The following NT5C2 variants were observed in gnomAD, a reference collection of about 807,000 sequenced individuals.
NT5C2 encodes cytosolic purine 5'-nucleotidase.
Under a neutral mutation model 76.1 loss-of-function variants are expected in NT5C2, and 58 were observed. That is an observed-to-expected ratio of 0.76 (90% CI 0.62 to 0.95). NT5C2 has a LOEUF of 0.95. Ranked by LOEUF, NT5C2 falls within the 40% of genes least tolerant of loss-of-function variation. The pLI is 0.00. For missense variants in NT5C2, 478 were observed against 690.3 expected (o/e 0.69, Z 3.45); for synonymous variants, 229 against 237.4 (o/e 0.96, Z 0.32).
At chr10:103,170,354 T>A (rs2087591392) in intron 3 of NT5C2, among the ~76,000 whole-genome samples, 1 of 151,964 alleles carries the variant, frequency 6.6e-6, no homozygotes, top group African/African-American at 2.4e-5. Context: ...ATCTAAAACA[T>A]CAAGCCTTTG....
chr10:103,090,274 G>A (rs1450957381), intron 18 of NT5C2: 2 of 347,826 alleles, frequency 5.8e-6, no homozygotes, highest in Admixed American at 4.3e-5. Flanking sequence ...CTGGAGTACA[G>A]TGGAGCAATC....
chr10:103,134,363 C>G (rs1052451983), intron 4 of NT5C2, among the ~76,000 whole-genome samples: 1 of 152,236 alleles, frequency 6.6e-6, no homozygotes, highest in Non-Finnish European at 1.5e-5. Context: ...CCAGCCACTC[C>G]TGCCATGGCT....
intron 2 of NT5C2, among the ~76,000 whole-genome samples, chr10:103,179,083 G>A (rs2090611123): frequency 1.3e-5 from 2 of 151,042 alleles, no homozygotes; most frequent in African/African-American, 2.4e-5. Flanking sequence ...TGAGTAACTG[G>A]GATTACAGGC....
chr10:103,132,606 C>T (rs192762915), intron 4 of NT5C2, among the ~76,000 whole-genome samples: 118 of 152,052 alleles, frequency 7.8e-4, no homozygotes, highest in African/African-American at 2.6e-3. Flanking sequence ...TGCACAGTGG[C>T]GCGATCTCGG....
At chr10:103,177,773 C>A (rs2135069500) in intron 2 of NT5C2, among the ~76,000 whole-genome samples, 1 of 152,288 alleles carries the variant, frequency 6.6e-6, no homozygotes, top group Admixed American at 6.5e-5. Flanking sequence ...ACCTCTGTGG[C>A]TTTTAAAAAA....
At chr10:103,122,999 T>C (rs2075975307) in intron 4 of NT5C2, among the ~76,000 whole-genome samples, 1 of 152,226 alleles carries the variant, frequency 6.6e-6, no homozygotes, top group African/African-American at 2.4e-5. Flanking sequence ...TAAATCTGTA[T>C]GCTTTTCTCT....
intron 3 of NT5C2, among the ~76,000 whole-genome samples, chr10:103,142,355 T>C (rs1480773779): frequency 6.6e-6 from 1 of 152,178 alleles, no homozygotes; most frequent in Non-Finnish European, 1.5e-5. Flanking sequence ...ATCAGCATGA[T>C]GGTCTTTCAG....
intron 3 of NT5C2, among the ~76,000 whole-genome samples, chr10:103,145,621 C>A (rs879268173): frequency 1.3e-5 from 2 of 152,130 alleles, no homozygotes; most frequent in African/African-American, 2.4e-5. Flanking sequence ...TAAAAAAGCA[C>A]AAACTTGCCG....
intron 3 of NT5C2, among the ~76,000 whole-genome samples, chr10:103,143,259 A>G (rs2080859977): frequency 6.6e-6 from 1 of 152,112 alleles, no homozygotes; most frequent in Non-Finnish European, 1.5e-5. Flanking sequence ...GTTAAAAATA[A>G]AAAAGCCTGG....
chr10:103,111,255 C>G (rs1469002908), intron 4 of NT5C2, among the ~76,000 whole-genome samples: 1 of 152,176 alleles, frequency 6.6e-6, no homozygotes. Flanking sequence ...AGAAGGTACT[C>G]TGGCCTACCC....
chr10:103,167,942 A>ACTGTGG (rs1212955231), intron 3 of NT5C2, among the ~76,000 whole-genome samples: 1 of 152,132 alleles, frequency 6.6e-6, no homozygotes, highest in Non-Finnish European at 1.5e-5. Flanking sequence ...TCCATCATAA[A>ACTGTGG]CATTTCTAGA....
At chr10:103,105,091 C>CT (rs2070871704) in intron 6 of NT5C2, among the ~76,000 whole-genome samples, 1 of 152,100 alleles carries the variant, frequency 6.6e-6, no homozygotes, top group Admixed American at 6.5e-5. Context: ...ATTTCATCTG[C>CT]TGTTTACTAG....
At chr10:103,132,578 C>T (rs2078410894) in intron 4 of NT5C2, among the ~76,000 whole-genome samples, 1 of 151,964 alleles carries the variant, frequency 6.6e-6, no homozygotes, top group African/African-American at 2.4e-5. Context: ...GAATCTCACT[C>T]TGTCACCCAA....
At chr10:103,190,636 G>A (rs2092566588) in intron 1 of NT5C2, among the ~76,000 whole-genome samples, 1 of 152,216 alleles carries the variant, frequency 6.6e-6, no homozygotes, top group Admixed American at 6.5e-5. Flanking sequence ...CCCCGAGGTT[G>A]CATGATGTTA....
intron 1 of NT5C2, among the ~76,000 whole-genome samples, chr10:103,187,904 C>G (rs924346447): frequency 6.6e-6 from 1 of 152,140 alleles, no homozygotes; most frequent in Admixed American, 6.6e-5. Context: ...AATATTTACA[C>G]TAAAATGAAT....
chr10:103,189,037 CTTGTA>C (rs2092381317), intron 1 of NT5C2, among the ~76,000 whole-genome samples: 1 of 132,836 alleles, frequency 7.5e-6, no homozygotes, highest in East Asian at 2.1e-4. Context: ...AAAGAGCCTG[CTTGTA>C]CTATGTGCTT....
intron 3 of NT5C2, chr10:103,153,724 G>A (rs2082807555): frequency 3.0e-6 from 3 of 985,154 alleles, no homozygotes; most frequent in Non-Finnish European, 2.4e-6. Flanking sequence ...AGCCCTGGTC[G>A]GTCAAAATCA....
chr10:103,185,666 A>G (rs529143769), intron 1 of NT5C2, among the ~76,000 whole-genome samples: 356 of 131,124 alleles, frequency 2.7e-3, no homozygotes, highest in African/African-American at 9.3e-3. Context: ...AAAAAAAAGG[A>G]AAAAAAAAAA....
At chr10:103,095,082 G>A (rs891717437) in intron 12 of NT5C2, among the ~76,000 whole-genome samples, 1 of 152,166 alleles carries the variant, frequency 6.6e-6, no homozygotes, top group Non-Finnish European at 1.5e-5. Context: ...AAAGAGCTAG[G>A]GAGAGATGCA....
Sources: gnomAD v4.1 joint callset for allele counts (sites outside exome capture counted in the v4.1 genomes callset) on GRCh38, gnomAD v4.1.1 for gene constraint, MANE v1.5 for transcripts, NCBI Gene and HGNC (gene_info 2026-07-23, HGNC 2026-07-21) for gene names.